Variants in RSBN1L observed in about 807,000 individuals in gnomAD.
RSBN1L encodes round spermatid basic protein 1 like.
Under a neutral mutation model 67.7 loss-of-function variants are expected in RSBN1L, and 30 were observed. The ratio of observed to expected loss-of-function variants is 0.44; its 90% CI spans 0.33 to 0.60. The LOEUF is 0.60. Ranked by LOEUF, RSBN1L falls within the 20% of genes least tolerant of loss-of-function variation. RSBN1L has a pLI of 0.02. For missense variants in RSBN1L, 992 were observed against 1,031.7 expected (o/e 0.96, Z 0.53); for synonymous variants, 433 against 387.0 (o/e 1.12, Z -1.39).
intron 3 of RSBN1L, among the ~76,000 whole-genome samples, chr7:77,758,676 C>T (rs558628955): frequency 6.6e-5 from 10 of 152,236 alleles, no homozygotes; most frequent in African/African-American, 1.7e-4. Flanking sequence ...GCATACAGGC[C>T]TGGGAAGAAT....
chr7:77,742,237 A>G (rs1229121856), intron 2 of RSBN1L, among the ~76,000 whole-genome samples: 2 of 149,976 alleles, frequency 1.3e-5, no homozygotes, highest in East Asian at 3.9e-4. Flanking sequence ...TCCATCTTTA[A>G]AAAAATATAC....
At chr7:77,706,398 CAG>C (rs1790892956) in intron 1 of RSBN1L, among the ~76,000 whole-genome samples, 2 of 151,884 alleles carry the variant, frequency 1.3e-5, no homozygotes, top group South Asian at 4.2e-4. Context: ...TTAATAGAAA[CAG>C]GGTTTTACCA....
At chr7:77,697,179 C>G (rs367612141) in intron 1 of RSBN1L, 124 bp downstream of exon 1, 1 of 1,094,702 alleles carries the variant, frequency 9.1e-7, no homozygotes, top group South Asian at 3.6e-5. Flanking sequence ...GGCTGGGAGG[C>G]GTCCGGTTTT....
At chr7:77,728,794 C>T (rs964674203) in intron 1 of RSBN1L, among the ~76,000 whole-genome samples, 1 of 152,104 alleles carries the variant, frequency 6.6e-6, no homozygotes, top group Admixed American at 6.5e-5. Context: ...TGGGGTGCCT[C>T]GCATATTTGG....
intron 1 of RSBN1L, among the ~76,000 whole-genome samples, chr7:77,700,500 C>G (rs539070424): frequency 1.3e-5 from 2 of 152,158 alleles, no homozygotes; most frequent in Non-Finnish European, 2.9e-5. Context: ...AAAATAGCAG[C>G]TTTTCTTAGA....
chr7:77,772,280 G>C (rs1379239422), intron 5 of RSBN1L, among the ~76,000 whole-genome samples: 9 of 152,204 alleles, frequency 5.9e-5, no homozygotes, highest in Non-Finnish European at 1.0e-4. Flanking sequence ...GTAAGGAAGA[G>C]TGATCCCTGG....
In RSBN1L at chr7:77,773,172, C is replaced by T; in HGVS notation, c.1651C>T (p.Gln551Ter). ...KRTTNEIKNL[Q>*]YLPRTSEPRE... The stretch of plus-strand genomic sequence containing the variant: ...AACTACCAATGAAATAAAAAATCTT[C>T]AGTACCTACCTCGAACAAGTGAGCC... The change falls in exon 6 of 8, where the codon CAG becomes TAG. Residue 551 changes from glutamine (Q) to a stop codon, truncating the protein, a stop_gained. Transcript: ENST00000334955. LOFTEE classifies it high-confidence loss of function. The T allele has an allele frequency of 1.3e-6, 2 of 1,595,826 alleles. No homozygotes were observed. Among genetic ancestry groups the T allele is most frequent in the Non-Finnish European group, 1.7e-6 (2 of 1,174,164 alleles).
At chr7:77,757,667 A>T (rs551477475) in intron 3 of RSBN1L, among the ~76,000 whole-genome samples, 1 of 152,340 alleles carries the variant, frequency 6.6e-6, no homozygotes, top group East Asian at 1.9e-4. Context: ...CTTCATTCTT[A>T]TGTCTGATGA....
At chr7:77,717,266 C>T (rs140720907) in intron 1 of RSBN1L, among the ~76,000 whole-genome samples, 406 of 152,172 alleles carry the variant, frequency 2.7e-3, no homozygotes, top group Non-Finnish European at 5.0e-3. Flanking sequence ...TTTATATCGT[C>T]TTAGAGATTT....
intron 1 of RSBN1L, among the ~76,000 whole-genome samples, chr7:77,717,221 G>A (rs565112382): frequency 1.2e-4 from 18 of 150,326 alleles, no homozygotes; most frequent in Admixed American, 9.3e-4. Flanking sequence ...GATTACAGGC[G>A]TCAGCCACTG....
chr7:77,715,030 G>A (rs1392122054), intron 1 of RSBN1L, among the ~76,000 whole-genome samples: 1 of 151,762 alleles, frequency 6.6e-6, no homozygotes, highest in African/African-American at 2.4e-5. Context: ...CCAGTACTTT[G>A]GTAGGCTGAT....
At chr7:77,719,074 C>T (rs996771329) in intron 1 of RSBN1L, among the ~76,000 whole-genome samples, 9 of 152,116 alleles carry the variant, frequency 5.9e-5, no homozygotes, top group African/African-American at 1.9e-4. Flanking sequence ...TGACACCCAG[C>T]GACATAGGTG....
intron 5 of RSBN1L, among the ~76,000 whole-genome samples, chr7:77,770,246 A>G (rs1313183194): frequency 1.3e-5 from 2 of 152,132 alleles, no homozygotes; most frequent in Non-Finnish European, 2.9e-5. Flanking sequence ...GTGGTGGGAC[A>G]TGACTGTAAT....
intron 5 of RSBN1L, among the ~76,000 whole-genome samples, chr7:77,772,655 A>G (rs1445642978): frequency 6.6e-6 from 1 of 152,224 alleles, no homozygotes; most frequent in Admixed American, 6.5e-5. Flanking sequence ...CCCTCACTAG[A>G]CAGACTATAA....
Position 77,696,616 on chromosome 7 carries a change from G to A in RSBN1L, c.147G>A (p.Glu49=). The A allele has an allele frequency of 6.2e-7, 1 of 1,614,054 alleles. No homozygotes were observed. The highest frequency in any genetic ancestry group is 8.5e-7 in the Non-Finnish European group (1 of 1,179,972). Reference sequence around the variant, plus strand: ...CCGCCAAGAAGGTCCGGACTGAGGAGAAGAAGGCACCGCGGAGAGTGAACG... The same window carrying A: ...CCGCCAAGAAGGTCCGGACTGAGGAAAAGAAGGCACCGCGGAGAGTGAACG... ...SLSAKKVRTE[E]KKAPRRVNGE... Residue 49 remains glutamate, a synonymous_variant, in exon 1 of 8, where the codon GAG becomes GAA. Transcript: ENST00000334955.
intron 6 of RSBN1L, among the ~76,000 whole-genome samples, chr7:77,774,795 A>T: frequency 6.6e-6 from 1 of 152,168 alleles, no homozygotes; most frequent in East Asian, 1.9e-4. Context: ...TGTTTTCCAA[A>T]ATTGAGTATT....
chr7:77,773,591 C>T (rs1200146996), intron 6 of RSBN1L: 2 of 216,312 alleles, frequency 9.2e-6, no homozygotes, highest in African/African-American at 2.3e-5. Context: ...GGGGAAACCC[C>T]GTCTGTACTA....
chr7:77,725,627 T>G (rs977990281), intron 1 of RSBN1L, among the ~76,000 whole-genome samples: 22 of 151,894 alleles, frequency 1.4e-4, no homozygotes, highest in African/African-American at 5.3e-4. Context: ...ATTATATCGT[T>G]TACTATTTTA....
chr7:77,713,313 A>G (rs112531636), intron 1 of RSBN1L, among the ~76,000 whole-genome samples: 3 of 151,656 alleles, frequency 2.0e-5, no homozygotes, highest in African/African-American at 4.8e-5. Flanking sequence ...TATGTACTCA[A>G]ATTCATCAGT....
Sources: gnomAD v4.1 joint callset for allele counts (sites outside exome capture counted in the v4.1 genomes callset) on GRCh38, gnomAD v4.1.1 for gene constraint, MANE v1.5 for transcripts, NCBI Gene and HGNC (gene_info 2026-07-23, HGNC 2026-07-21) for gene names.